Variants in FOXP1 observed in about 807,000 individuals in gnomAD.
The protein encoded by FOXP1 is forkhead box protein P1.
A neutral mutation model predicts 98.2 loss-of-function variants in FOXP1; 15 were observed. That is an observed-to-expected ratio of 0.15 (90% CI 0.10 to 0.24). The LOEUF is 0.24. Ranked by LOEUF, FOXP1 falls within the 10% of genes least tolerant of loss-of-function variation. The pLI, the probability that FOXP1 is intolerant of heterozygous loss-of-function variation, is 1.00. For synonymous variants in FOXP1, 371 were observed against 314.5 expected (o/e 1.18, Z -1.90); for missense variants, 633 against 848.5 (o/e 0.75, Z 3.15).
intron 2 of FOXP1, among the ~76,000 whole-genome samples, chr3:71,547,197 T>C (rs1308277792): frequency 6.6e-6 from 1 of 152,236 alleles, no homozygotes. Flanking sequence ...GCATTCTTCT[T>C]AGGTAGTTTA....
intron 2 of FOXP1, among the ~76,000 whole-genome samples, chr3:71,522,287 C>A (rs565624098): frequency 6.6e-6 from 1 of 152,248 alleles, no homozygotes; most frequent in African/African-American, 2.4e-5. Context: ...TCCTATTTCT[C>A]AGGGTAAACT....
rs565657026 is a variant in FOXP1 at position 71,330,824 on chromosome 3, T to G, written c.-73+28326A>C. On this transcript the variant is annotated intron_variant, in intron 4 of 20. Coordinates refer to ENST00000649528, the MANE Select transcript of FOXP1 (RefSeq NM_001349338.3). Reference sequence around the variant, plus strand: ...GAGGCAGAGTTTGCAGAAGCACAGTTTTTGAATCTTGCTGAGTCCCCACAT... The same window carrying G: ...GAGGCAGAGTTTGCAGAAGCACAGTGTTTGAATCTTGCTGAGTCCCCACAT... Among the ~76,000 whole-genome samples the G allele has an allele frequency of 2.6e-5, 4 of 152,332 alleles. No homozygotes were observed. In the South Asian group the frequency reaches 8.3e-4, roughly 32 times the overall value.
chr3:71,338,346 A>T (rs1441947925), intron 4 of FOXP1, among the ~76,000 whole-genome samples: 1 of 152,244 alleles, frequency 6.6e-6, no homozygotes, highest in South Asian at 2.1e-4. Flanking sequence ...GATAATTATG[A>T]GGGACGGATT....
chr3:71,475,288 G>A (rs549608412), intron 3 of FOXP1, among the ~76,000 whole-genome samples: 17 of 152,224 alleles, frequency 1.1e-4, no homozygotes, highest in African/African-American at 2.9e-4. Flanking sequence ...CAAACTCCAC[G>A]ATTAAAATGC....
At chr3:71,094,151 G>A (rs989314491) in intron 7 of FOXP1, among the ~76,000 whole-genome samples, 3 of 152,106 alleles carry the variant, frequency 2.0e-5, no homozygotes, top group Non-Finnish European at 2.9e-5. Flanking sequence ...AGTCTCTGTC[G>A]CACCCACTCA....
chr3:71,184,098 G>A lies in FOXP1; in HGVS notation c.180+14104C>T, dbSNP rs557087726. Reference sequence around the variant, plus strand: ...ACCTGGGAGGCGGAGGTTGTGGTAAGCTGAGATCACGCCATTGCACTCCAG... The same window carrying A: ...ACCTGGGAGGCGGAGGTTGTGGTAAACTGAGATCACGCCATTGCACTCCAG... On this transcript the variant is annotated intron_variant, in intron 6 of 20. Transcript: ENST00000649528. Among the ~76,000 whole-genome samples, 45 of 152,302 alleles carry A rather than the reference G, an allele frequency of 3.0e-4. No homozygotes were observed. In the South Asian group the frequency reaches 8.7e-3, roughly 29 times the overall value.
chr3:71,382,024 T>C (rs2080215057), intron 3 of FOXP1, among the ~76,000 whole-genome samples: 1 of 152,132 alleles, frequency 6.6e-6, no homozygotes, highest in Non-Finnish European at 1.5e-5. Flanking sequence ...GTAAATGCAA[T>C]ACTTCAGAAG....
At chr3:71,239,679 T>A (rs1293463621) in intron 5 of FOXP1, among the ~76,000 whole-genome samples, 1 of 152,232 alleles carries the variant, frequency 6.6e-6, no homozygotes, top group Non-Finnish European at 1.5e-5. Context: ...TTGAAGCCCA[T>A]GGTATTTTTG....
At chr3:71,460,124 C>T (rs1208683239) in intron 3 of FOXP1, among the ~76,000 whole-genome samples, 10 of 151,616 alleles carry the variant, frequency 6.6e-5, no homozygotes, top group African/African-American at 1.9e-4. Context: ...TTAGTAGAGA[C>T]GGGGTTTCAC....
intron 6 of FOXP1, among the ~76,000 whole-genome samples, chr3:71,129,706 C>A (rs1372738162): frequency 6.6e-6 from 1 of 152,036 alleles, no homozygotes; most frequent in Admixed American, 6.5e-5. Flanking sequence ...AAAGGTGGAA[C>A]CTTTTTCAAA....
At chr3:71,492,303 T>G (rs548619066) in intron 3 of FOXP1, among the ~76,000 whole-genome samples, 5 of 151,862 alleles carry the variant, frequency 3.3e-5, no homozygotes, top group Non-Finnish European at 7.4e-5. Context: ...AGTACAAAAA[T>G]TAGCCAGGCA....
chr3:71,466,096 T>C (rs1297439132), intron 3 of FOXP1, among the ~76,000 whole-genome samples: 1 of 152,122 alleles, frequency 6.6e-6, no homozygotes, highest in East Asian at 1.9e-4. Context: ...ACGAAACACT[T>C]ATAAAGCTGG....
chr3:71,106,925 C>T (rs574420498), intron 7 of FOXP1, among the ~76,000 whole-genome samples: 1 of 151,960 alleles, frequency 6.6e-6, no homozygotes, highest in East Asian at 2.0e-4. Context: ...AGGCACCGGG[C>T]CCGGCTAATA....
intron 3 of FOXP1, among the ~76,000 whole-genome samples, chr3:71,470,688 A>C (rs1197099764): frequency 6.6e-6 from 1 of 152,182 alleles, no homozygotes; most frequent in Non-Finnish European, 1.5e-5. Context: ...CAATGAGCAG[A>C]TATCACACCA....
chr3:71,240,432 C>G (rs1376118449), intron 5 of FOXP1, among the ~76,000 whole-genome samples: 2 of 152,212 alleles, frequency 1.3e-5, no homozygotes, highest in African/African-American at 2.4e-5. Context: ...CAAAGCGTTT[C>G]CATTCTTACA....
chr3:71,354,254 G>C (rs2078004943), intron 4 of FOXP1, among the ~76,000 whole-genome samples: 1 of 151,946 alleles, frequency 6.6e-6, no homozygotes, highest in Non-Finnish European at 1.5e-5. Flanking sequence ...CTCCAGCCTG[G>C]GTGACAGAGC....
chr3:71,043,991 C>A (rs1156883604), intron 10 of FOXP1, among the ~76,000 whole-genome samples: 1 of 152,192 alleles, frequency 6.6e-6, no homozygotes, highest in Non-Finnish European at 1.5e-5. Context: ...CTGGGTCAAA[C>A]TGCAATGTGA....
chr3:71,561,658 C>G (rs1037718702), intron 2 of FOXP1, among the ~76,000 whole-genome samples: 1 of 152,194 alleles, frequency 6.6e-6, no homozygotes. Context: ...CTGGCACTCA[C>G]TAAGCATTTT....
intron 4 of FOXP1, among the ~76,000 whole-genome samples, chr3:71,348,553 G>GCGCGCA (rs1553853274): frequency 3.8e-5 from 5 of 130,638 alleles, no homozygotes; most frequent in African/African-American, 9.4e-5. Flanking sequence ...GTGTGTGCGT[G>GCGCGCA]CGCGCGCGCA....
Sources: gnomAD v4.1 joint callset for allele counts (sites outside exome capture counted in the v4.1 genomes callset) on GRCh38, gnomAD v4.1.1 for gene constraint, MANE v1.5 for transcripts, NCBI Gene and HGNC (gene_info 2026-07-23, HGNC 2026-07-21) for gene names.